The following DSCAM variants were observed in gnomAD, a reference collection of about 807,000 sequenced individuals.
DSCAM encodes the protein cell adhesion molecule DSCAM.
In DSCAM, 47 loss-of-function variants were observed where a neutral mutation model predicts 217.7. That is an observed-to-expected ratio of 0.22 (90% CI 0.17 to 0.28). The LOEUF (loss-of-function observed/expected upper bound fraction) is 0.28. DSCAM is among the 10% of genes least tolerant of loss of function. The pLI is 1.00. For missense variants in DSCAM, 2,080 were observed against 2,618.3 expected, an observed-to-expected ratio of 0.79 and a Z score of 4.49; for synonymous variants, 1,056 against 1,015.3, an observed-to-expected ratio of 1.04 and a Z score of -0.76.
At chr21:40,404,137 G>C (rs780857917) in intron 3 of DSCAM, among the ~76,000 whole-genome samples, 4 of 152,044 alleles carry the variant, frequency 2.6e-5, no homozygotes, top group Non-Finnish European at 4.4e-5. Flanking sequence ...CCTGTCTTCT[G>C]TGAACACAAG....
At chr21:40,368,218 T>G (rs914222915) in intron 4 of DSCAM, among the ~76,000 whole-genome samples, 45 of 152,310 alleles carry the variant, frequency 3.0e-4, no homozygotes, top group African/African-American at 1.1e-3. Context: ...AGAAAATTTC[T>G]CTTTAACACA....
chr21:40,549,218 CTTGTT>C (rs1188325959), intron 3 of DSCAM, among the ~76,000 whole-genome samples: 1 of 152,150 alleles, frequency 6.6e-6, no homozygotes, highest in Non-Finnish European at 1.5e-5. Flanking sequence ...CATTTATCTT[CTTGTT>C]TTGAGAGAAT....
intron 27 of DSCAM, among the ~76,000 whole-genome samples, chr21:40,067,182 A>G (rs2837413): frequency 0.16 from 24,227 of 152,184 alleles, 2,282 homozygotes; most frequent in East Asian, 0.36. Context: ...ATGTAAAAAT[A>G]ATGGATCACA....
intron 3 of DSCAM, among the ~76,000 whole-genome samples, chr21:40,405,826 G>C (rs141056146): frequency 1.3e-5 from 2 of 152,010 alleles, no homozygotes; most frequent in Admixed American, 1.3e-4. Flanking sequence ...GCGAAACCCC[G>C]TCTCTACTAA....
chr21:40,746,991 T>G (rs116843408), intron 1 of DSCAM, among the ~76,000 whole-genome samples: 1 of 151,720 alleles, frequency 6.6e-6, no homozygotes, highest in African/African-American at 2.4e-5. Context: ...AAATCAAAAA[T>G]AAAATTTAAA....
At chr21:40,686,609 G>A (rs879335354) in intron 3 of DSCAM, among the ~76,000 whole-genome samples, 7 of 152,126 alleles carry the variant, frequency 4.6e-5, no homozygotes, top group Admixed American at 1.3e-4. Flanking sequence ...AGTCAAAAGC[G>A]TACTTCTCTG....
chr21:40,563,575 TTA>T (rs1008925251), intron 3 of DSCAM, among the ~76,000 whole-genome samples: 22 of 80,524 alleles, frequency 2.7e-4, no homozygotes, highest in Non-Finnish European at 3.5e-4. Flanking sequence ...TTATATATAG[TTA>T]TATGTTTATA....
At chr21:40,467,930 C>CAAAAAAAAAAAAAA (rs56379350) in intron 3 of DSCAM, among the ~76,000 whole-genome samples, 2 of 84,424 alleles carry the variant, frequency 2.4e-5, no homozygotes, top group African/African-American at 9.3e-5. Context: ...AAAGATTAAC[C>CAAAAAAAAAAAAAA]AAAAAAAAAA....
At chr21:40,763,840 G>A (rs559468173) in intron 1 of DSCAM, among the ~76,000 whole-genome samples, 3 of 152,282 alleles carry the variant, frequency 2.0e-5, no homozygotes, top group East Asian at 1.9e-4. Context: ...AACAAGCAAT[G>A]GGGAAAGGAT....
chr21:40,354,474 C>T (rs149408929), intron 4 of DSCAM, among the ~76,000 whole-genome samples: 18 of 152,068 alleles, frequency 1.2e-4, no homozygotes, highest in Non-Finnish European at 1.5e-5. Flanking sequence ...CTCAAGTGAT[C>T]CTCCTGCCTG....
chr21:40,278,990 G>C (rs1249107612), intron 10 of DSCAM, among the ~76,000 whole-genome samples: 1 of 152,032 alleles, frequency 6.6e-6, no homozygotes, highest in Non-Finnish European at 1.5e-5. Context: ...ATTTAGAAGA[G>C]GGAACATCTA....
At chr21:40,433,715 C>T (rs1386667850) in intron 3 of DSCAM, among the ~76,000 whole-genome samples, 1 of 152,014 alleles carries the variant, frequency 6.6e-6, no homozygotes, top group Non-Finnish European at 1.5e-5. Flanking sequence ...GTGGATGTCA[C>T]CTGAGGTAGA....
At chr21:40,822,243 C>T (rs764338504) in intron 1 of DSCAM, among the ~76,000 whole-genome samples, 3 of 147,664 alleles carry the variant, frequency 2.0e-5, no homozygotes, top group South Asian at 2.1e-4. Flanking sequence ...CACTTGAACC[C>T]GGGAAGCAGG....
chr21:40,278,105 G>A (rs1443068993), intron 10 of DSCAM, among the ~76,000 whole-genome samples: 1 of 151,498 alleles, frequency 6.6e-6, no homozygotes, highest in Non-Finnish European at 1.5e-5. Context: ...AACCAATTGG[G>A]AATAAAAATT....
chr21:40,488,110 A>G (rs995375020), intron 3 of DSCAM, among the ~76,000 whole-genome samples: 1 of 152,294 alleles, frequency 6.6e-6, no homozygotes, highest in South Asian at 2.1e-4. Context: ...AAGGCTCCAC[A>G]TTAATCAAAA....
At chr21:40,552,386 G>T (rs535821608) in intron 3 of DSCAM, among the ~76,000 whole-genome samples, 2 of 152,268 alleles carry the variant, frequency 1.3e-5, no homozygotes, top group East Asian at 3.9e-4. Context: ...GTTCACAGAG[G>T]GAGTTAAGAA....
intron 10 of DSCAM, among the ~76,000 whole-genome samples, chr21:40,277,944 T>A (rs1184853906): frequency 6.6e-6 from 1 of 151,606 alleles, no homozygotes; most frequent in African/African-American, 2.4e-5. Flanking sequence ...TATAACTGTA[T>A]TTACTGACAG....
At chr21:40,208,404 A>G (rs771368027) in intron 11 of DSCAM, among the ~76,000 whole-genome samples, 4 of 152,198 alleles carry the variant, frequency 2.6e-5, no homozygotes, top group African/African-American at 4.8e-5. Context: ...CAGTGAGCTG[A>G]GATTGCGCCA....
intron 11 of DSCAM, among the ~76,000 whole-genome samples, chr21:40,226,143 T>C (rs1317343242): frequency 2.6e-5 from 4 of 152,150 alleles, no homozygotes; most frequent in Non-Finnish European, 5.9e-5. Context: ...AGTTAGTACA[T>C]CGCAGAGCTG....
Sources: allele counts gnomAD v4.1 joint callset (sites outside exome capture counted in the v4.1 genomes callset), GRCh38; gene constraint gnomAD v4.1.1; transcripts MANE v1.5; gene names NCBI Gene and HGNC (gene_info 2026-07-23, HGNC 2026-07-21).